COL1A2: variants seen among roughly 807,000 people sequenced by gnomAD.
The protein encoded by COL1A2 is collagen alpha-2(I) chain.
In COL1A2, 49 loss-of-function variants were observed where a neutral mutation model predicts 174.3. The ratio of observed to expected loss-of-function variants is 0.28; its 90% CI spans 0.22 to 0.36. COL1A2 has a LOEUF of 0.36. COL1A2 is among the 10% of genes least tolerant of loss of function. COL1A2 has a pLI of 1.00. For synonymous variants in COL1A2, 655 were observed against 606.6 expected, an observed-to-expected ratio of 1.08 and a Z score of -1.17; for missense variants, 1,438 against 1,822.7, an observed-to-expected ratio of 0.79 and a Z score of 3.84.
chr7:94,428,817 C>G (rs970556163), intron 50 of COL1A2, among the ~76,000 whole-genome samples: 1 of 152,170 alleles, frequency 6.6e-6, no homozygotes, highest in Non-Finnish European at 1.5e-5. Flanking sequence ...TTAATCAAAC[C>G]TTTTCACCAA....
In COL1A2 at chr7:94,430,511, G is replaced by C; in HGVS notation, c.*118G>C. Reference sequence around the variant, plus strand: ...TTCCATTTCTTCTGCACATCTACTTGCTTAAATTGTGGGCAAAAGAGAAAA... The same window carrying C: ...TTCCATTTCTTCTGCACATCTACTTCCTTAAATTGTGGGCAAAAGAGAAAA... On this transcript the variant is annotated 3_prime_UTR_variant, in exon 52 of 52. Coordinates refer to ENST00000297268, the MANE Select transcript of COL1A2 (RefSeq NM_000089.4). 1 of 1,080,510 alleles carries C rather than the reference G, an allele frequency of 9.3e-7. No individual in the cohort carries two copies. The highest frequency in any genetic ancestry group is 1.4e-6 in the Non-Finnish European group (1 of 734,916). 66.9% of individuals were successfully genotyped at this position (1,080,510 alleles called of 1,614,324 possible).
At chr7:94,396,353 T>C (rs1791584654) in intron 1 of COL1A2, among the ~76,000 whole-genome samples, 1 of 152,132 alleles carries the variant, frequency 6.6e-6, no homozygotes, top group Non-Finnish European at 1.5e-5. Context: ...TCTGTGTGTC[T>C]GTGTGTCTCT....
rs202050347 is a variant in COL1A2 at position 94,425,660 on chromosome 7, C to T, written c.2832C>T (p.His944=). The change falls in exon 43 of 52, where the codon CAC becomes CAT. Residue 944 remains histidine (H), a synonymous_variant. Transcript: ENST00000297268. The part of the protein sequence containing the change: ...GPPGRDGQPG[H]KGERGYPGNI... The stretch of plus-strand genomic sequence containing the variant: ...CAGGTCGCGATGGTCAACCCGGACA[C>T]AAGGTCAGTACACTTTTCATCTTTC... The T allele has an allele frequency of 6.2e-6, 10 of 1,614,148 alleles. No individual in the cohort carries two copies. Among genetic ancestry groups the T allele is most frequent in the African/African-American group, 4.0e-5 (3 of 75,034 alleles).
At chr7:94,408,259 A>C (rs1186093075) in intron 14 of COL1A2, 23 bp downstream of exon 14, 1 of 1,613,176 alleles carries the variant, frequency 6.2e-7, no homozygotes, top group South Asian at 1.1e-5. Flanking sequence ...ATTTTTGTTC[A>C]GTTTCATCCT....
chr7:94,404,338 T>G (rs1321633961), intron 6 of COL1A2, among the ~76,000 whole-genome samples: 2 of 152,212 alleles, frequency 1.3e-5, no homozygotes, highest in Admixed American at 6.5e-5. Context: ...CCCCGTCTAA[T>G]TCTCATTGAT....
Position 94,409,830 on chromosome 7 carries a change from T to C in COL1A2, c.1035+9T>C. 3 of 1,613,594 alleles carry C rather than the reference T, an allele frequency of 1.9e-6. No homozygotes were observed. Among genetic ancestry groups the C allele is most frequent in the Non-Finnish European group, 2.5e-6 (3 of 1,179,572 alleles). On this transcript the variant is annotated intron_variant, in intron 19 of 51. Coordinates refer to ENST00000297268, the MANE Select transcript of COL1A2 (RefSeq NM_000089.4). Reference sequence around the variant, plus strand: ...GTGCCAGAGGACTTGTTGTAAGTGGTCATGACTGTGGTTCTCATCATCCTG... The same window carrying C: ...GTGCCAGAGGACTTGTTGTAAGTGGCCATGACTGTGGTTCTCATCATCCTG...
At chr7:94,408,016 C>T in intron 13 of COL1A2, 125 bp downstream of exon 13, 1 of 1,161,710 alleles carries the variant, frequency 8.6e-7, no homozygotes, top group South Asian at 1.3e-5. Context: ...TTCTAATAGC[C>T]TTCTGATACT....
At chr7:94,410,166 T>C in intron 19 of COL1A2, 76 bp from the exon 20 acceptor site, 1 of 1,477,496 alleles carries the variant, frequency 6.8e-7, no homozygotes, top group Non-Finnish European at 9.4e-7. Context: ...GACCCACAAA[T>C]ATTCTAAGAG....
chr7:94,425,720 T>G (rs200804140), intron 43 of COL1A2, 30 bp from the exon 44 acceptor site: 1 of 1,614,050 alleles, frequency 6.2e-7, no homozygotes, highest in East Asian at 2.2e-5. Flanking sequence ...CAACCCAGAT[T>G]GATGCTAAGC....
chr7:94,410,600 C>A (rs1791901794), intron 21 of COL1A2, 73 bp downstream of exon 21: 2 of 1,274,730 alleles, frequency 1.6e-6, no homozygotes, highest in South Asian at 2.6e-5. Flanking sequence ...GGGAATTGGT[C>A]AAAATTACTG....
chr7:94,412,572 C>G lies in COL1A2; in HGVS notation c.1405-12C>G. On this transcript the variant is annotated splice_polypyrimidine_tract_variant and intron_variant, in intron 24 of 51. Coordinates refer to ENST00000297268, the MANE Select transcript of COL1A2 (RefSeq NM_000089.4). ...TTGACACTGAGTAAACTTGAAATAA[C>G]TCTGCTTTCAGGGCCTCCCTGGCAT... The G allele has an allele frequency of 6.2e-7, 1 of 1,608,952 alleles. No homozygotes were observed. The highest frequency in any genetic ancestry group is 8.5e-7 in the Non-Finnish European group (1 of 1,176,092).
At chr7:94,425,455 A>G (rs1471528472) in intron 42 of COL1A2, 155 bp from the exon 43 acceptor site, 3 of 889,768 alleles carry the variant, frequency 3.4e-6, no homozygotes, top group African/African-American at 3.3e-5. Context: ...TCTAAAAAAT[A>G]TCTAGGTTGG....
intron 12 of COL1A2, 141 bp downstream of exon 12, chr7:94,406,444 C>T: frequency 1.4e-6 from 1 of 728,738 alleles, no homozygotes; most frequent in South Asian, 1.6e-5. Flanking sequence ...TCAAATCCCT[C>T]AAGGATGGGG....
In COL1A2 at chr7:94,409,792, G is replaced by T. The variant is rs757569298; in HGVS notation, c.1006G>T (p.Ala336Ser). 1.9e-6 allele frequency: 3 copies of T among 1,614,132 alleles called. No homozygotes were observed. In the South Asian group the frequency reaches 3.3e-5, roughly 18 times the overall value. ...PRGIPGPVGA[A>S]GATGARGLVG... Reference sequence around the variant, plus strand: ...CGGTATTCCTGGCCCTGTTGGTGCTGCCGGTGCTACTGGTGCCAGAGGACT... The same window carrying T: ...CGGTATTCCTGGCCCTGTTGGTGCTTCCGGTGCTACTGGTGCCAGAGGACT... The change falls in exon 19 of 52, where the codon GCC becomes TCC. Residue 336 changes from alanine to serine, a missense_variant. Ala to Ser is a moderately conservative substitution (Grantham distance 99). Coordinates refer to ENST00000297268, the MANE Select transcript of COL1A2 (RefSeq NM_000089.4).
Position 94,409,784 on chromosome 7 carries a change from T to C in COL1A2, c.998T>C (p.Val333Ala). 1 of 1,614,146 alleles carries C rather than the reference T, an allele frequency of 6.2e-7. No individual in the cohort carries two copies. The highest frequency in any genetic ancestry group is 8.5e-7 in the Non-Finnish European group (1 of 1,180,014). The part of the protein sequence containing the change: ...LPGPRGIPGP[V>A]GAAGATGARG... ...GGACCCCGCGGTATTCCTGGCCCTGTTGGTGCTGCCGGTGCTACTGGTGCC... is the reference window on the plus strand; with the variant it reads ...GGACCCCGCGGTATTCCTGGCCCTGCTGGTGCTGCCGGTGCTACTGGTGCC... The change falls in exon 19 of 52, where the codon GTT becomes GCT. Residue 333 changes from valine to alanine, a missense_variant. Physicochemically the swap from Val to Ala is moderately conservative, Grantham distance 64. Transcript: ENST00000297268.
chr7:94,397,731 C>CTTTTTT lies in COL1A2; in HGVS notation c.71-12_71-7dup. 3 of 1,133,748 alleles carry CTTTTTT rather than the reference C, an allele frequency of 2.6e-6. No individual in the cohort carries two copies. The highest frequency in any genetic ancestry group is 3.8e-6 in the Non-Finnish European group (3 of 782,362). 70.2% of individuals were successfully genotyped at this position (1,133,748 alleles called of 1,614,324 possible). On this transcript the variant is annotated splice_polypyrimidine_tract_variant and intron_variant, in intron 1 of 51. Transcript: ENST00000297268. ...TACTAATAATTGTTTCCTACTTTTT[C>CTTTTTT]TTTTTTTTTTCTACAGCTTTACAAG...
In COL1A2 at chr7:94,416,482, C is replaced by G; in HGVS notation, c.1842C>G (p.Pro614=). ...GPIGSRGPSG[P]PGPDGNKGEP... Reference sequence around the variant, plus strand: ...TTGGAAGCCGAGGTCCTTCTGGACCCCCAGGGCCTGATGGAAACAAGGTAA... The same window carrying G: ...TTGGAAGCCGAGGTCCTTCTGGACCGCCAGGGCCTGATGGAAACAAGGTAA... The change falls in exon 31 of 52, where the codon CCC becomes CCG. Residue 614 remains proline, a synonymous_variant. Coordinates refer to ENST00000297268, the MANE Select transcript of COL1A2 (RefSeq NM_000089.4). 6 of 1,576,180 alleles carry G rather than the reference C, an allele frequency of 3.8e-6. No homozygotes were observed. The highest frequency in any genetic ancestry group is 5.2e-6 in the Non-Finnish European group (6 of 1,159,822).
In COL1A2 at chr7:94,421,889, T is replaced by C. The variant is rs777541016; in HGVS notation, c.2350-10T>C. The C allele has an allele frequency of 1.3e-5, 21 of 1,611,282 alleles. 1 individual carries two copies. The South Asian group carries it at 2.0e-4, about 15-fold the overall frequency. On this transcript the variant is annotated splice_polypyrimidine_tract_variant and intron_variant, in intron 38 of 51. Transcript: ENST00000297268. ...GTTGACTGTGGAATTCTAATGTGCT[T>C]GGCTCTTAGGGTATGACTGGTTTCC... is the stretch of plus-strand genomic sequence containing the variant.
chr7:94,417,906 A>C, intron 32 of COL1A2, 75 bp downstream of exon 32: 1 of 1,249,554 alleles, frequency 8.0e-7, no homozygotes, highest in Non-Finnish European at 1.1e-6. Context: ...CCAAGTTTTC[A>C]CAATTCTTGG....
Sources: allele counts gnomAD v4.1 joint callset (sites outside exome capture counted in the v4.1 genomes callset), GRCh38; gene constraint gnomAD v4.1.1; transcripts MANE v1.5; gene names NCBI Gene and HGNC (gene_info 2026-07-23, HGNC 2026-07-21).